Variants in EFCAB14 observed in about 807,000 individuals in gnomAD.
The protein encoded by EFCAB14 is EF-hand calcium-binding domain-containing protein 14.
In EFCAB14, 43 loss-of-function variants were observed where a neutral mutation model predicts 56.5. The ratio of observed to expected loss-of-function variants is 0.76; its 90% CI spans 0.60 to 0.98. EFCAB14 has a LOEUF of 0.98. EFCAB14 is among the 50% of genes least tolerant of loss of function. EFCAB14 has a pLI of 0.00. For missense variants in EFCAB14, 538 were observed against 580.3 expected, an observed-to-expected ratio of 0.93 and a Z score of 0.75; for synonymous variants, 235 against 212.9, an observed-to-expected ratio of 1.10 and a Z score of -0.90.
At chr1:46,700,647 C>T (rs1458625823) in intron 3 of EFCAB14, among the ~76,000 whole-genome samples, 1 of 152,140 alleles carries the variant, frequency 6.6e-6, no homozygotes, top group Admixed American at 6.5e-5. Context: ...TGTTTATATT[C>T]TTTATTTTAG....
Position 46,716,333 on chromosome 1 carries a change from T to C in EFCAB14, c.296A>G (p.Lys99Arg), listed in dbSNP as rs1677392679. ...VGLVWMQVALKEDLDALKEKF... is the reference protein window; with the variant it reads ...VGLVWMQVALREDLDALKEKF... ...TTCCTTGAGGGCATCCAGATCCTCC[T>C]TGAGAGCAACCTGCATCCACACCAA... Residue 99 changes from lysine (K) to arginine (R), a missense_variant, in exon 2 of 11, where the codon AAG (lysine) becomes AGG (arginine). Coordinates refer to ENST00000371933, the MANE Select transcript of EFCAB14 (RefSeq NM_014774.3). 1 of 1,612,252 alleles carries C rather than the reference T, an allele frequency of 6.2e-7. No individual in the cohort carries two copies. Among genetic ancestry groups the C allele is most frequent in the Non-Finnish European group, 8.5e-7 (1 of 1,179,834 alleles).
intron 3 of EFCAB14, among the ~76,000 whole-genome samples, chr1:46,701,096 T>A (rs1334280200): frequency 6.6e-6 from 1 of 152,118 alleles, no homozygotes; most frequent in East Asian, 1.9e-4. Context: ...AAACCTTATA[T>A]AAGAATCCAC....
intron 3 of EFCAB14, among the ~76,000 whole-genome samples, chr1:46,700,128 G>A (rs1677134268): frequency 6.6e-6 from 1 of 152,144 alleles, no homozygotes; most frequent in Non-Finnish European, 1.5e-5. Context: ...CCAAATTCCT[G>A]ACATATAGAA....
rs1677438616 is a variant in EFCAB14, at chr1:46,718,760, G to A, written c.-673C>T. On this transcript the variant is annotated 5_prime_UTR_variant, in exon 1 of 11. Coordinates refer to ENST00000371933, the MANE Select transcript of EFCAB14 (RefSeq NM_014774.3). ...CTCCGGCCTCCGTCCTGAACGTGAA[G>A]GGGGCCCGAGGCCGAGGAAGATCCG... The A allele has an allele frequency of 2.0e-5, 3 of 152,396 alleles. No individual in the cohort carries two copies. Among genetic ancestry groups the A allele is most frequent in the South Asian group, 2.1e-4 (1 of 4,840 alleles). The allele number at this position is 152,396 out of a possible 1,614,324, so 9.4% of individuals were successfully genotyped here.
intron 3 of EFCAB14, among the ~76,000 whole-genome samples, chr1:46,699,331 C>T (rs1677120407): frequency 1.3e-5 from 2 of 152,168 alleles, no homozygotes; most frequent in Admixed American, 6.5e-5. Context: ...ATAGGGAACA[C>T]AGTATGAACA....
chr1:46,699,472 C>A (rs1677123386), intron 3 of EFCAB14, among the ~76,000 whole-genome samples: 1 of 152,204 alleles, frequency 6.6e-6, no homozygotes, highest in Admixed American at 6.5e-5. Context: ...GTCTCTTTTA[C>A]TTTCCACAAT....
chr1:46,692,105 T>A (rs547839065), intron 4 of EFCAB14, 168 bp from the exon 5 acceptor site: 1 of 500,434 alleles, frequency 2.0e-6, no homozygotes, highest in Admixed American at 3.9e-5. Flanking sequence ...GAAAGTTTCC[T>A]CATGACTCTC....
At position 46,678,832 on chromosome 1, in the gene EFCAB14, A is replaced by T. The variant is rs868270305; in HGVS notation, c.1313-196T>A. ...CTTAAAAATATATTAAAAAAAAAAA[A>T]AAAAAAAAGGCTGGGTGCAGTGGCT... On this transcript the variant is annotated intron_variant, in intron 10 of 10. Coordinates refer to ENST00000371933, the MANE Select transcript of EFCAB14 (RefSeq NM_014774.3). Among the ~76,000 whole-genome samples the T allele has an allele frequency of 3.4e-3, 359 of 106,622 alleles. 1 individual carries two copies. The highest frequency in any genetic ancestry group is 5.9e-3 in the Non-Finnish European group (243 of 41,032). The allele number at this position is 106,622 out of a possible 152,430, so 69.9% of individuals were successfully genotyped here. A position where few individuals can be genotyped will look rare whatever the true frequency, so the allele number is the denominator to read the frequency against.
chr1:46,681,105 T>G (rs1272107824), intron 10 of EFCAB14, among the ~76,000 whole-genome samples: 1 of 152,020 alleles, frequency 6.6e-6, no homozygotes, highest in Non-Finnish European at 1.5e-5. Flanking sequence ...TTACAGGGTG[T>G]GCGCTACCAC....
In EFCAB14 at chr1:46,688,480, T is replaced by C. The variant is rs1676925510; in HGVS notation, c.860A>G (p.Gln287Arg). The change falls in exon 7 of 11, where the codon CAG becomes CGG. Residue 287 changes from glutamine to arginine, a missense_variant. Coordinates refer to ENST00000371933, the MANE Select transcript of EFCAB14 (RefSeq NM_014774.3). ...CATTCCCTCGAGTTTAAGATCATTC[T>C]GTCTCTGGTACCCCACTAGGGCACT... Reference protein sequence around the residue: ...VNSALVGYQRQNDLKLEGMNE... With the variant: ...VNSALVGYQRRNDLKLEGMNE... The C allele has an allele frequency of 6.2e-7, 1 of 1,613,866 alleles. No homozygotes were observed. Among genetic ancestry groups the C allele is most frequent in the South Asian group, 1.1e-5 (1 of 91,088 alleles).
intron 4 of EFCAB14, 61 bp from the exon 5 acceptor site, chr1:46,691,998 A>G: frequency 8.4e-7 from 1 of 1,196,606 alleles, no homozygotes; most frequent in Non-Finnish European, 1.2e-6. Context: ...CATGCAATAA[A>G]CTGTACATAT....
chr1:46,696,747 T>C lies in EFCAB14; in HGVS notation c.481-98A>G. The C allele has an allele frequency of 4.5e-6, 5 of 1,112,106 alleles. 1 individual carries two copies. Among genetic ancestry groups the C allele is most frequent in the South Asian group, 2.8e-5 (2 of 72,720 alleles). The allele number at this position is 1,112,106 out of a possible 1,614,324, so 68.9% of individuals were successfully genotyped here. A position where few individuals can be genotyped will look rare whatever the true frequency, so the allele number is the denominator to read the frequency against. On this transcript the variant is annotated intron_variant, in intron 3 of 10. Transcript: ENST00000371933. ...TACGGTTGGTGATGTCAAGATAGTC[T>C]AGGATTTTATGTGTTTCTGCAACCC...
intron 4 of EFCAB14, among the ~76,000 whole-genome samples, chr1:46,692,950 A>C (rs1677022081): frequency 6.6e-6 from 1 of 152,206 alleles, no homozygotes; most frequent in African/African-American, 2.4e-5. Context: ...TGCCTCTGTC[A>C]ATCCCTGCTG....
In EFCAB14 at chr1:46,678,562, G is replaced by C; in HGVS notation, c.1387C>G (p.Leu463Val). The change falls in exon 11 of 11, where the codon CTA becomes GTA. Residue 463 changes from leucine to valine, a missense_variant. Physicochemically the swap from Leu to Val is conservative, Grantham distance 32. Transcript: ENST00000371933. ...TCTGGTTCTGGCATAGCAGAACCTA[G>C]GGAGGTCCAGATTTCCTGGTAGGTC... ...KLTYQEIWTS[L>V]GSAMPEPESL... The C allele has an allele frequency of 6.2e-7, 1 of 1,614,100 alleles. No homozygotes were observed. The highest frequency in any genetic ancestry group is 2.2e-5 in the East Asian group (1 of 44,878).
rs17102443 is a variant in EFCAB14, at chr1:46,696,469, A to G, written c.579+82T>C. 5,843 of 1,336,480 alleles carry G rather than the reference A, an allele frequency of 4.4e-3. 189 individuals carry two copies. The African/African-American group carries it at 0.072, about 17-fold the overall frequency. The allele number at this position is 1,336,480 out of a possible 1,614,324, so 82.8% of individuals were successfully genotyped here. Reference sequence around the variant, plus strand: ...AATGCTAGGCTTTCAATGAAAACTTATAAGAAGCTAGAATTATGGCAAATA... The same window carrying G: ...AATGCTAGGCTTTCAATGAAAACTTGTAAGAAGCTAGAATTATGGCAAATA... On this transcript the variant is annotated intron_variant, in intron 4 of 10. Coordinates refer to ENST00000371933, the MANE Select transcript of EFCAB14 (RefSeq NM_014774.3).
At chr1:46,694,297 C>T (rs899098746) in intron 4 of EFCAB14, among the ~76,000 whole-genome samples, 4 of 152,186 alleles carry the variant, frequency 2.6e-5, no homozygotes, top group African/African-American at 9.7e-5. Flanking sequence ...AGGCAACCTA[C>T]AGAATGGAAG....
At chr1:46,711,564 G>GT (rs3835464) in intron 2 of EFCAB14, among the ~76,000 whole-genome samples, 8,755 of 152,236 alleles carry the variant, frequency 0.058, 806 homozygotes, top group East Asian at 0.39. Flanking sequence ...GACAAGTCAA[G>GT]TAGAGGTACT....
chr1:46,688,506 G>A lies in EFCAB14; in HGVS notation c.834C>T (p.Asn278=), dbSNP rs557107429. The change falls in exon 7 of 11, where the codon AAC becomes AAT. Residue 278 remains asparagine, a synonymous_variant. Coordinates refer to ENST00000371933, the MANE Select transcript of EFCAB14 (RefSeq NM_014774.3). ...GTCTCTGGTACCCCACTAGGGCACTGTTTACCTCCTCTAAAGAGTTGTGAA... is the reference window on the plus strand; with the variant it reads ...GTCTCTGGTACCCCACTAGGGCACTATTTACCTCCTCTAAAGAGTTGTGAA... ...LYLHNSLEEV[N]SALVGYQRQN... is the part of the protein sequence containing the mutation. The A allele has an allele frequency of 6.2e-7, 1 of 1,613,776 alleles. No individual in the cohort carries two copies. Among genetic ancestry groups the A allele is most frequent in the East Asian group, 2.2e-5 (1 of 44,868 alleles).
intron 2 of EFCAB14, among the ~76,000 whole-genome samples, chr1:46,711,805 T>G (rs1677311936): frequency 6.6e-6 from 1 of 152,198 alleles, no homozygotes; most frequent in Admixed American, 6.5e-5. Flanking sequence ...ATTTATACAA[T>G]GTCTTTCCAG....
Sources: gnomAD v4.1 joint callset for allele counts (sites outside exome capture counted in the v4.1 genomes callset) on GRCh38, gnomAD v4.1.1 for gene constraint, MANE v1.5 for transcripts, NCBI Gene and HGNC (gene_info 2026-07-23, HGNC 2026-07-21) for gene names.